The following NECAB1 variants were observed in gnomAD, a reference collection of about 807,000 sequenced individuals.
NECAB1 encodes N-terminal EF-hand calcium binding protein 1.
In NECAB1, 29 loss-of-function variants were observed where a neutral mutation model predicts 57.5. The observed-to-expected ratio is 0.50, with a 90% confidence interval of 0.38 to 0.69. The LOEUF (loss-of-function observed/expected upper bound fraction) is 0.69. Among genes scored for constraint, NECAB1 ranks in the 30% least tolerant of loss-of-function variants. The pLI, the probability that NECAB1 is intolerant of heterozygous loss-of-function variation, is 0.00. For missense variants in NECAB1, 372 were observed against 413.8 expected (o/e 0.90, Z 0.88); for synonymous variants, 142 against 147.7 (o/e 0.96, Z 0.28).
At chr8:90,907,565 G>A (rs1809720311) in intron 5 of NECAB1, among the ~76,000 whole-genome samples, 1 of 152,114 alleles carries the variant, frequency 6.6e-6, no homozygotes, top group African/African-American at 2.4e-5. Flanking sequence ...CTATTTCTAG[G>A]ATACATATGT....
intron 5 of NECAB1, among the ~76,000 whole-genome samples, chr8:90,913,506 A>T (rs1563531296): frequency 6.6e-6 from 1 of 152,128 alleles, no homozygotes; most frequent in African/African-American, 2.4e-5. Flanking sequence ...TAATGAGTAT[A>T]ATCTGTACAT....
intron 5 of NECAB1, among the ~76,000 whole-genome samples, chr8:90,891,444 T>G (rs1476656884): frequency 1.3e-5 from 2 of 152,208 alleles, no homozygotes; most frequent in African/African-American, 4.8e-5. Context: ...CTACATATTA[T>G]GCCATTTTGT....
At chr8:90,803,928 C>T (rs1048149031) in intron 2 of NECAB1, among the ~76,000 whole-genome samples, 1 of 152,212 alleles carries the variant, frequency 6.6e-6, no homozygotes, top group Non-Finnish European at 1.5e-5. Flanking sequence ...CTTGACAGGG[C>T]CCCACCCTCT....
chr8:90,832,458 G>A (rs1812310971), intron 3 of NECAB1, among the ~76,000 whole-genome samples: 1 of 152,026 alleles, frequency 6.6e-6, no homozygotes, highest in Admixed American at 6.6e-5. Flanking sequence ...CATGGAAATG[G>A]TTTATTCTTA....
intron 3 of NECAB1, among the ~76,000 whole-genome samples, chr8:90,869,390 T>G (rs1808580209): frequency 6.6e-6 from 1 of 151,972 alleles, no homozygotes. Context: ...CACTGACGAG[T>G]TTCACTGTGT....
rs1289157219 is a variant in NECAB1 at position 90,951,151 on chromosome 8, G to A, written c.977G>A (p.Ser326Asn). 1 of 1,602,882 alleles carries A rather than the reference G, an allele frequency of 6.2e-7. No homozygotes were observed. Among genetic ancestry groups the A allele is most frequent in the Non-Finnish European group, 8.5e-7 (1 of 1,174,732 alleles). ...AATTATAGCAAGACATTCCAAAGAAGTAATGTGGATTTCTTGGAAACTCCA... is the reference window on the plus strand; with the variant it reads ...AATTATAGCAAGACATTCCAAAGAAATAATGTGGATTTCTTGGAAACTCCA... The part of the protein sequence containing the change: ...QTNYSKTFQR[S>N]NVDFLETPEL... Residue 326 changes from serine to asparagine, a missense_variant, in exon 12 of 13, where the codon AGT becomes AAT. Ser to Asn is a conservative substitution (Grantham distance 46, BLOSUM62 1). Transcript: ENST00000417640.
At chr8:90,883,171 G>T (rs1254334679) in intron 5 of NECAB1, among the ~76,000 whole-genome samples, 1 of 151,886 alleles carries the variant, frequency 6.6e-6, no homozygotes, top group South Asian at 2.1e-4. Flanking sequence ...TCTTTTTCTT[G>T]GCACTGACCC....
intron 3 of NECAB1, among the ~76,000 whole-genome samples, chr8:90,829,560 C>G (rs1260061437): frequency 6.6e-6 from 1 of 152,018 alleles, no homozygotes; most frequent in Non-Finnish European, 1.5e-5. Context: ...TACAGAAAAG[C>G]ATCCCAGGGC....
chr8:90,803,756 C>A (rs113979970), intron 2 of NECAB1, among the ~76,000 whole-genome samples: 1,633 of 152,234 alleles, frequency 0.011, 24 homozygotes, highest in African/African-American at 0.037. Context: ...GCTGCTGAAG[C>A]ACTCAGTCCC....
rs527861066 is a variant in NECAB1 at position 90,945,323 on chromosome 8, C to T, written c.860+4425C>T. On this transcript the variant is annotated intron_variant, in intron 10 of 12. Coordinates refer to ENST00000417640, the MANE Select transcript of NECAB1 (RefSeq NM_022351.5). ...CTTCGTGATCCGCCCGCCTCAGTCT[C>T]CCAAAGTGCTGGAATTACAGGCATG... 2.4e-3 allele frequency among the ~76,000 whole-genome samples: 365 copies of T among 152,316 alleles called. 1 individual carries two copies. The highest frequency in any genetic ancestry group is 3.4e-3 in the Non-Finnish European group (232 of 68,034).
At chr8:90,804,417 A>G (rs7825213) in intron 2 of NECAB1, among the ~76,000 whole-genome samples, 72,802 of 151,640 alleles carry the variant, frequency 0.48, 19,635 homozygotes, top group East Asian at 0.86. Flanking sequence ...TTCAGGAGGA[A>G]TAAGTTTAAT....
chr8:90,925,326 T>C (rs1232922497), intron 6 of NECAB1, among the ~76,000 whole-genome samples: 1 of 152,204 alleles, frequency 6.6e-6, no homozygotes, highest in Non-Finnish European at 1.5e-5. Context: ...ATTTTAAGAA[T>C]AAAGAAAGCT....
chr8:90,957,241 T>C lies in NECAB1; in HGVS notation c.*1729T>C, dbSNP rs947933326. On this transcript the variant is annotated 3_prime_UTR_variant, in exon 13 of 13. Transcript: ENST00000417640. The stretch of plus-strand genomic sequence containing the variant: ...ACATACAAACTCTTCTTGAGAATGT[T>C]TGTTGTAAATGGTTTCAAAAATACA... 6.6e-6 allele frequency: 1 copy of C among 151,982 alleles called. No homozygotes were observed. The highest frequency in any genetic ancestry group is 2.4e-5 in the African/African-American group (1 of 41,412). 9.4% of individuals were successfully genotyped at this position (151,982 alleles called of 1,614,324 possible).
chr8:90,795,706 T>TCACA (rs1385184275), intron 1 of NECAB1, among the ~76,000 whole-genome samples: 1 of 136,322 alleles, frequency 7.3e-6, no homozygotes, highest in Non-Finnish European at 1.5e-5. Flanking sequence ...ACCTCATCTC[T>TCACA]CTCACACACA....
At chr8:90,921,776 A>T (rs1182567399) in intron 6 of NECAB1, among the ~76,000 whole-genome samples, 3 of 152,148 alleles carry the variant, frequency 2.0e-5, no homozygotes, top group Non-Finnish European at 4.4e-5. Context: ...TTACTTTGGG[A>T]TTTAATATTT....
chr8:90,923,431 C>T (rs1810178024), intron 6 of NECAB1, among the ~76,000 whole-genome samples: 1 of 152,132 alleles, frequency 6.6e-6, no homozygotes. Flanking sequence ...CTGATTAATC[C>T]CAGAGAAAAG....
chr8:90,928,509 C>A (rs1435251059), intron 8 of NECAB1, among the ~76,000 whole-genome samples: 1 of 152,168 alleles, frequency 6.6e-6, no homozygotes, highest in Admixed American at 6.5e-5. Context: ...CTACCTCCCA[C>A]TCCCAATTAT....
chr8:90,914,701 T>G (rs1343062736), intron 5 of NECAB1, among the ~76,000 whole-genome samples: 1 of 152,226 alleles, frequency 6.6e-6, no homozygotes, highest in Admixed American at 6.5e-5. Flanking sequence ...CTTTCTGATT[T>G]GCTATGGTGG....
intron 5 of NECAB1, among the ~76,000 whole-genome samples, chr8:90,910,998 T>C (rs1338841774): frequency 6.6e-6 from 1 of 152,218 alleles, no homozygotes; most frequent in Non-Finnish European, 1.5e-5. Context: ...TCTAGTTTTG[T>C]TGCATTCATT....
Sources: gnomAD v4.1 joint callset for allele counts (sites outside exome capture counted in the v4.1 genomes callset) on GRCh38, gnomAD v4.1.1 for gene constraint, MANE v1.5 for transcripts, NCBI Gene and HGNC (gene_info 2026-07-23, HGNC 2026-07-21) for gene names.